CHEK1: variants seen among roughly 807,000 people sequenced by gnomAD.
The protein encoded by CHEK1 is checkpoint kinase 1.
CHEK1 carries 32 observed loss-of-function variants against 60.2 expected under a neutral mutation model. The observed-to-expected ratio is 0.53, with a 90% CI of 0.40 to 0.71. The LOEUF is 0.71. CHEK1 is among the 30% of genes least tolerant of loss of function. The probability of loss-of-function intolerance (pLI) is 0.00; values close to 1 mark genes in which losing one functional copy is unlikely to be tolerated. For missense variants in CHEK1, 399 were observed against 564.6 expected, an observed-to-expected ratio of 0.71 and a Z score of 2.97; for synonymous variants, 179 against 187.2, an observed-to-expected ratio of 0.96 and a Z score of 0.36.
At chr11:125,676,784 G>C (rs112338776), downstream of CHEK1, among the ~76,000 whole-genome samples, 1 of 152,266 alleles carries the variant, frequency 6.6e-6, no homozygotes, top group African/African-American at 2.4e-5. Context: ...TCATGTGACA[G>C]CATAGGAGCA....
chr11:125,670,235 G>T (rs988558412), intron 13 of CHEK1, among the ~76,000 whole-genome samples: 1 of 152,038 alleles, frequency 6.6e-6, no homozygotes, highest in Non-Finnish European at 1.5e-5. Context: ...CTGTTTATTC[G>T]TATGGCACTA....
At chr11:125,679,913 T>G (rs1223058121), downstream of CHEK1, among the ~76,000 whole-genome samples, 2 of 152,246 alleles carry the variant, frequency 1.3e-5, no homozygotes, top group East Asian at 1.9e-4. Context: ...TCTACTTGAC[T>G]GGTTTTTCAA....
chr11:125,673,809 G>T (rs1942337258), intron 13 of CHEK1, among the ~76,000 whole-genome samples: 1 of 152,066 alleles, frequency 6.6e-6, no homozygotes, highest in South Asian at 2.1e-4. Context: ...AATTTGTTGT[G>T]AAGGTCTGTC....
At chr11:125,637,933 A>C (rs1941136078) in intron 8 of CHEK1, among the ~76,000 whole-genome samples, 2 of 152,228 alleles carry the variant, frequency 1.3e-5, no homozygotes. Flanking sequence ...TTGAAAGATC[A>C]GTATGGCACA....
At chr11:125,650,384 G>A (rs1941671072) in intron 11 of CHEK1, among the ~76,000 whole-genome samples, 1 of 151,134 alleles carries the variant, frequency 6.6e-6, no homozygotes, top group Non-Finnish European at 1.5e-5. Context: ...GGCAACTCTA[G>A]AAAGTCAGAT....
intron 5 of CHEK1, among the ~76,000 whole-genome samples, 160 bp from the exon 6 acceptor site, chr11:125,633,002 AT>A (rs1424451256): frequency 6.6e-6 from 1 of 151,908 alleles, no homozygotes; most frequent in African/African-American, 2.4e-5. Flanking sequence ...GATTTATTTT[AT>A]TTTTTTAAAT....
At chr11:125,640,854 G>A (rs1417297970) in intron 8 of CHEK1, among the ~76,000 whole-genome samples, 2 of 152,082 alleles carry the variant, frequency 1.3e-5, no homozygotes, top group South Asian at 2.1e-4. Flanking sequence ...TTCTCAAACT[G>A]CTGGGCTTAA....
chr11:125,643,737 A>G (rs2136026227), intron 8 of CHEK1, 55 bp from the exon 9 acceptor site: 2 of 1,401,356 alleles, frequency 1.4e-6, no homozygotes, highest in Non-Finnish European at 2.0e-6. Flanking sequence ...GGGTTAATTT[A>G]AAAACATACT....
intron 13 of CHEK1, chr11:125,672,470 A>T: frequency 8.7e-7 from 1 of 1,155,824 alleles, no homozygotes; most frequent in South Asian, 1.5e-5. Context: ...GAGCATCCTA[A>T]TGCTCAGGCA....
At chr11:125,676,553 G>T, downstream of CHEK1, 1 of 1,564,866 alleles carries the variant, frequency 6.4e-7, no homozygotes. Flanking sequence ...TCTGGGAGGG[G>T]TAATGGGCAA....
chr11:125,629,084 A>G, intron 3 of CHEK1, 148 bp from the exon 4 acceptor site: 1 of 674,452 alleles, frequency 1.5e-6, no homozygotes, highest in East Asian at 2.7e-5. Flanking sequence ...TAAGCCCCAT[A>G]TGTGTTAGTG....
downstream of CHEK1, among the ~76,000 whole-genome samples, chr11:125,659,057 A>G (rs1489786937): frequency 6.6e-6 from 1 of 151,882 alleles, no homozygotes; most frequent in African/African-American, 2.4e-5. Flanking sequence ...TGAGGTAGAG[A>G]TTAGGTTTCA....
rs769608055 is a variant in CHEK1 at position 125,626,796 on chromosome 11, G to GCA, written c.28_29insCA (p.Asp10AlafsTer19). The GCA allele has an allele frequency of 5.6e-6, 9 of 1,614,158 alleles. No individual in the cohort carries two copies. The highest frequency in any genetic ancestry group is 7.6e-6 in the Non-Finnish European group (9 of 1,180,020). ...GGCAGTGCCCTTTGTGGAAGACTGGGACTTGGTGCAAACCCTGGGAGAAGG... is the reference window on the plus strand; with the variant it reads ...GGCAGTGCCCTTTGTGGAAGACTGGGCAACTTGGTGCAAACCCTGGGAGAAGG... On this transcript the variant is annotated frameshift_variant, in exon 2 of 13. Transcript: ENST00000438015. LOFTEE classifies it high-confidence loss of function.
chr11:125,626,462 A>G (rs1041847469), intron 1 of CHEK1: 4 of 471,270 alleles, frequency 8.5e-6, no homozygotes, highest in Admixed American at 7.1e-5. Context: ...GCCGGAAAGC[A>G]TTTGTCTCCC....
chr11:125,676,403 A>T (rs777830036), downstream of CHEK1: 6 of 1,614,150 alleles, frequency 3.7e-6, no homozygotes, highest in Admixed American at 1.0e-4. Flanking sequence ...ATTCTGAGTG[A>T]TGCAGGTTCC....
chr11:125,629,445 C>A lies in CHEK1; in HGVS notation c.409C>A (p.Leu137Met), dbSNP rs759158547. 1 of 1,612,240 alleles carries A rather than the reference C, an allele frequency of 6.2e-7. No individual in the cohort carries two copies. The highest frequency in any genetic ancestry group is 1.1e-5 in the South Asian group (1 of 90,928). ...CAGGGATATTAAACCAGAAAATCTT[C>A]TGTTGGATGAAAGGGGTAAGTTTAG... ...THRDIKPENL[L>M]LDERDNLKIS... The change falls in exon 5 of 13, where the codon CTG (leucine) becomes ATG (methionine). Residue 137 changes from leucine to methionine, a missense_variant. Leu to Met is a conservative substitution (Grantham distance 15). Transcript: ENST00000438015.
In CHEK1 at chr11:125,625,610, C is replaced by G; in HGVS notation, c.-423C>G. 1.7e-6 allele frequency: 1 copy of G among 595,432 alleles called. No individual in the cohort carries two copies. 36.9% of individuals were successfully genotyped at this position (595,432 alleles called of 1,614,324 possible). On this transcript the variant is annotated 5_prime_UTR_variant, in exon 1 of 13. Coordinates refer to ENST00000438015, the MANE Select transcript of CHEK1 (RefSeq NM_001114122.3). ...AGGCCCAGAGCGGCCAGGAGCGAAG[C>G]CCGCAGCCCCGCCTGGAAGCGCAGC...
chr11:125,629,052 C>G (rs1161750012), intron 3 of CHEK1, among the ~76,000 whole-genome samples, 180 bp from the exon 4 acceptor site: 1 of 152,184 alleles, frequency 6.6e-6, no homozygotes, highest in African/African-American at 2.4e-5. Context: ...CCTTTTGCCA[C>G]CTAACACAGG....
intron 1 of CHEK1, 34 bp downstream of exon 1, chr11:125,626,046 TTCTAAAGAAGGAGTTCGGGG>T (rs1408952813): frequency 1.4e-6 from 1 of 690,138 alleles, no homozygotes; most frequent in Non-Finnish European, 2.7e-6. Context: ...TAGGGAAGGT[TTCTAAAGAAGGAGTTCGGGG>T]TCTAGATTAG....
Sources: gnomAD v4.1 joint callset for allele counts (sites outside exome capture counted in the v4.1 genomes callset) on GRCh38, gnomAD v4.1.1 for gene constraint, MANE v1.5 for transcripts, NCBI Gene and HGNC (gene_info 2026-07-23, HGNC 2026-07-21) for gene names.